PCDHGA10: variants seen among roughly 807,000 people sequenced by gnomAD.
The protein encoded by PCDHGA10 is protocadherin gamma subfamily A, 10, also known as protocadherin gamma-A10.
A neutral mutation model predicts 59.5 loss-of-function variants in PCDHGA10; 42 were observed. That is an observed-to-expected ratio of 0.71 (90% CI 0.55 to 0.91). The LOEUF (loss-of-function observed/expected upper bound fraction) is 0.91, where lower values mean the gene tolerates loss of function less well. Among genes scored for constraint, PCDHGA10 ranks in the 40% least tolerant of loss-of-function variants. The pLI, the probability that PCDHGA10 is intolerant of heterozygous loss-of-function variation, is 0.00. For synonymous variants in PCDHGA10, 511 were observed against 517.2 expected (o/e 0.99, Z 0.16); for missense variants, 1,111 against 1,198.2 (o/e 0.93, Z 1.07).
chr5:141,470,837 G>A (rs932315417), intron 1 of PCDHGA10, among the ~76,000 whole-genome samples: 4 of 151,948 alleles, frequency 2.6e-5, no homozygotes, highest in Non-Finnish European at 4.4e-5. Flanking sequence ...ACAAACACAC[G>A]CCACCATGCT....
intron 1 of PCDHGA10, among the ~76,000 whole-genome samples, chr5:141,475,339 T>C (rs1295364417): frequency 1.3e-5 from 2 of 152,188 alleles, no homozygotes; most frequent in Non-Finnish European, 2.9e-5. Flanking sequence ...AACAATGACA[T>C]CCAGTTTTAA....
chr5:141,448,706 C>G (rs1344013319), intron 1 of PCDHGA10, among the ~76,000 whole-genome samples: 1 of 151,732 alleles, frequency 6.6e-6, no homozygotes, highest in African/African-American at 2.4e-5. Context: ...TTTGGGAGGC[C>G]GAGGCGGGAG....
At chr5:141,500,167 A>C (rs976308963) in intron 2 of PCDHGA10, among the ~76,000 whole-genome samples, 1 of 150,656 alleles carries the variant, frequency 6.6e-6, no homozygotes, top group African/African-American at 2.4e-5. Context: ...AAGAACATGC[A>C]TGAGCTTCAT....
chr5:141,509,601 G>A (rs2099877534), intron 3 of PCDHGA10, among the ~76,000 whole-genome samples: 1 of 152,144 alleles, frequency 6.6e-6, no homozygotes, highest in Non-Finnish European at 1.5e-5. Flanking sequence ...ATTCCGAGAG[G>A]CTGCATTCTA....
intron 1 of PCDHGA10, among the ~76,000 whole-genome samples, chr5:141,482,828 T>G (rs1274498876): frequency 4.4e-5 from 6 of 135,272 alleles, no homozygotes; most frequent in Non-Finnish European, 9.5e-5. Flanking sequence ...TCCTAGCACT[T>G]TGGGAGGCCA....
chr5:141,477,845 G>A lies in PCDHGA10; in HGVS notation c.2437-16962G>A, dbSNP rs1164464559. On this transcript the variant is annotated intron_variant, in intron 1 of 3. Transcript: ENST00000398610. This position sits in a 1 kb window ranked among gnomAD's most constrained non-coding sequence, Gnocchi z 4.9. ...ATATCCTCGGCCAGGTGGGAGCTCGGTGGAGATGCTGCCTCGAGGTACCTC... is the reference window on the plus strand; with the variant it reads ...ATATCCTCGGCCAGGTGGGAGCTCGATGGAGATGCTGCCTCGAGGTACCTC... 11 of 1,614,040 alleles carry A rather than the reference G, an allele frequency of 6.8e-6. No individual in the cohort carries two copies. The highest frequency in any genetic ancestry group is 9.3e-6 in the Non-Finnish European group (11 of 1,180,036).
In PCDHGA10 at chr5:141,511,035, C is replaced by T. The variant is rs373005862; in HGVS notation, c.2673C>T (p.His891=). Residue 891 remains histidine (H), a synonymous_variant, in exon 4 of 4, where the codon CAC becomes CAT. Transcript: ENST00000398610. ...ACGGACCCCAGTTCACCCTGCAGCA[C>T]GTGCCCGACTACCGCCAGAATGTCT... ...ARYGPQFTLQ[H]VPDYRQNVYI... The T allele has an allele frequency of 1.7e-5, 27 of 1,614,208 alleles. No individual in the cohort carries two copies. The African/African-American group carries it at 2.9e-4, about 18-fold the overall frequency.
At position 141,431,174 on chromosome 5, in the gene PCDHGA10, G is replaced by C. The variant is rs568632160; in HGVS notation, c.2436+15563G>C. 6.2e-7 allele frequency: 1 copy of C among 1,614,224 alleles called. No individual in the cohort carries two copies. The highest frequency in any genetic ancestry group is 1.1e-5 in the South Asian group (1 of 91,088). ...GCCTTACTTTCGTGAAAGTGAATTA[G>C]AAATAAAAATTAGTGAAAATGCAGC... is the stretch of plus-strand genomic sequence containing the variant. On this transcript the variant is annotated intron_variant, in intron 1 of 3. Coordinates refer to ENST00000398610, the MANE Select transcript of PCDHGA10 (RefSeq NM_018913.3). This position sits in a 1 kb window ranked among gnomAD's most constrained non-coding sequence, Gnocchi z 4.8.
chr5:141,511,713 C>T lies in PCDHGA10; in HGVS notation c.*540C>T. 5.4e-6 allele frequency: 1 copy of T among 186,446 alleles called. No individual in the cohort carries two copies. Among genetic ancestry groups the T allele is most frequent in the Admixed American group, 5.3e-5 (1 of 18,840 alleles). The allele number at this position is 186,446 out of a possible 1,614,324, so 11.5% of individuals were successfully genotyped here. ...TTGGTGCCAGCCCCTTCACCTCCTT[C>T]CAGAGCCCAAGATCAATGCTCAAGT... On this transcript the variant is annotated 3_prime_UTR_variant, in exon 4 of 4. Transcript: ENST00000398610.
At chr5:141,444,471 G>A (rs929365899) in intron 1 of PCDHGA10, among the ~76,000 whole-genome samples, 1 of 151,876 alleles carries the variant, frequency 6.6e-6, no homozygotes, top group Non-Finnish European at 1.5e-5. Flanking sequence ...GCGCCCGGTC[G>A]CGTACTGGAT....
intron 1 of PCDHGA10, chr5:141,422,889 G>A (rs62378455): frequency 0.035 from 55,863 of 1,614,202 alleles, 1,109 homozygotes; most frequent in Middle Eastern, 0.098. Context: ...TGTTCGTGCT[G>A]GACCAGAACG....
In PCDHGA10 at chr5:141,491,556, C is replaced by T. The variant is rs2099720720; in HGVS notation, c.2437-3251C>T. The T allele has an allele frequency of 1.2e-6, 2 of 1,613,848 alleles. No homozygotes were observed. The highest frequency in any genetic ancestry group is 1.7e-5 in the Admixed American group (1 of 60,000). ...TGCGGCCCACAGACTCGCAGAGCCA[C>T]TGCTACAGGACGTGCTTTTCACCGG... On this transcript the variant is annotated intron_variant, in intron 1 of 3. Transcript: ENST00000398610. The surrounding 1 kb of genome is among the most constrained non-coding windows in gnomAD (Gnocchi z 6.9).
rs752155536 is a variant in PCDHGA10, at chr5:141,477,181, C to T, written c.2437-17626C>T. The T allele has an allele frequency of 2.5e-6, 4 of 1,614,182 alleles. No individual in the cohort carries two copies. In the Admixed American group the frequency reaches 6.7e-5, roughly 27 times the overall value. ...ACAACGCCCCGGAGATCACAGTCACCTCCGTGTACAGCCCAGTACCCGAGG... is the reference window on the plus strand; with the variant it reads ...ACAACGCCCCGGAGATCACAGTCACTTCCGTGTACAGCCCAGTACCCGAGG... On this transcript the variant is annotated intron_variant, in intron 1 of 3. Transcript: ENST00000398610. This position sits in a 1 kb window ranked among gnomAD's most constrained non-coding sequence, Gnocchi z 4.9.
In PCDHGA10 at chr5:141,487,519, T is replaced by C. The variant is rs1288070159; in HGVS notation, c.2437-7288T>C. The C allele has an allele frequency of 6.2e-7, 1 of 1,614,046 alleles. No individual in the cohort carries two copies. ...CCTTGGCTTCTGCACCCACTCGGAG[T>C]GATAGCTTCATGATGGTGAAGTCAC... On this transcript the variant is annotated intron_variant, in intron 1 of 3. Transcript: ENST00000398610. The surrounding 1 kb of genome is among the most constrained non-coding windows in gnomAD (Gnocchi z 5.0).
rs540471918 is a variant in PCDHGA10 at position 141,433,283 on chromosome 5, T to C, written c.2436+17672T>C. ...ATCATAGCTCACTGCAGCCTCAAAC[T>C]CCTAGGCTCAAGCAATTATCCCACC... On this transcript the variant is annotated intron_variant, in intron 1 of 3. Coordinates refer to ENST00000398610, the MANE Select transcript of PCDHGA10 (RefSeq NM_018913.3). The C allele has an allele frequency of 4.2e-5, 50 of 1,183,074 alleles. No homozygotes were observed. In the Admixed American group the frequency reaches 7.9e-4, roughly 19 times the overall value. 73.3% of individuals were successfully genotyped at this position (1,183,074 alleles called of 1,614,324 possible).
rs145288114 is a variant in PCDHGA10 at position 141,477,334 on chromosome 5, C to T, written c.2437-17473C>T. On this transcript the variant is annotated intron_variant, in intron 1 of 3. Coordinates refer to ENST00000398610, the MANE Select transcript of PCDHGA10 (RefSeq NM_018913.3). This position sits in a 1 kb window ranked among gnomAD's most constrained non-coding sequence, Gnocchi z 4.9. ...GCCTTACTTCTTCCCTCAAGAATTA[C>T]TTCACTTTGAAAACCAGTGCAGACC... is the stretch of plus-strand genomic sequence containing the variant. 1.3e-4 allele frequency: 215 copies of T among 1,614,074 alleles called. No homozygotes were observed. Among genetic ancestry groups the T allele is most frequent in the Non-Finnish European group, 1.8e-4 (210 of 1,180,044 alleles).
chr5:141,459,609 T>C (rs939880462), intron 1 of PCDHGA10, among the ~76,000 whole-genome samples: 1 of 152,230 alleles, frequency 6.6e-6, no homozygotes, highest in African/African-American at 2.4e-5. Context: ...AAGTATATGC[T>C]TAACTTTATA....
At chr5:141,420,076 TC>T (rs2096464805) in intron 1 of PCDHGA10, 2 of 1,613,956 alleles carry the variant, frequency 1.2e-6, no homozygotes, top group East Asian at 2.2e-5. Flanking sequence ...GACCTGTGGG[TC>T]CCCCCAACTA....
chr5:141,475,106 G>T (rs1182368610), intron 1 of PCDHGA10, among the ~76,000 whole-genome samples: 6 of 152,220 alleles, frequency 3.9e-5, no homozygotes, highest in Admixed American at 2.0e-4. Context: ...ATCCTAGGTG[G>T]TAAATAGGCC....
Sources: gnomAD v4.1 joint callset for allele counts (sites outside exome capture counted in the v4.1 genomes callset) on GRCh38, gnomAD v4.1.1 for gene constraint, Gnocchi (gnomAD v3.1) non-coding constraint, MANE v1.5 for transcripts, NCBI Gene and HGNC (gene_info 2026-07-23, HGNC 2026-07-21) for gene names.